The following SEPTIN4 variants were observed in gnomAD, a reference collection of about 807,000 sequenced individuals.
SEPTIN4 encodes septin-4.
In SEPTIN4, 52 loss-of-function variants were observed where a neutral mutation model predicts 107.1. That is an observed-to-expected ratio of 0.49 (90% confidence interval 0.39 to 0.61). The LOEUF (loss-of-function observed/expected upper bound fraction) is 0.61, where lower values mean the gene tolerates loss of function less well. Ranked by LOEUF, SEPTIN4 falls within the 20% of genes least tolerant of loss-of-function variation. The pLI, the probability that SEPTIN4 is intolerant of heterozygous loss-of-function variation, is 0.00. For synonymous variants in SEPTIN4, 417 were observed against 467.0 expected, an observed-to-expected ratio of 0.89 and a Z score of 1.38; for missense variants, 1,048 against 1,243.5, an observed-to-expected ratio of 0.84 and a Z score of 2.36.
At position 58,544,183 on chromosome 17, in the gene SEPTIN4, C is replaced by T; in HGVS notation, c.4G>A (p.Val2Ile). 6.2e-7 allele frequency: 1 copy of T among 1,608,986 alleles called. No individual in the cohort carries two copies. The highest frequency in any genetic ancestry group is 1.1e-5 in the South Asian group (1 of 90,454). ...TTGGCCCCAGGTTTATTTGTCTTGA[C>T]CATCTGATAGATTGTGCCCTTCTGA... is the stretch of plus-strand genomic sequence containing the variant. The part of the protein sequence containing the change: M[V>I]KTNKPGAKVA... The change falls in exon 1 of 14, where the codon GTC becomes ATC. Residue 2 changes from valine (V) to isoleucine (I), a missense_variant. This residue lies in a region of SEPTIN4 where 787 missense variants were observed against 871.8 expected (regional missense o/e 0.90). Coordinates refer to ENST00000672673, the MANE Select transcript of SEPTIN4 (RefSeq NM_001368771.2).
chr17:58,543,396 T>C lies in SEPTIN4; in HGVS notation c.791A>G (p.Tyr264Cys), dbSNP rs1169310031. Residue 264 changes from tyrosine (Y) to cysteine (C), a missense_variant, in exon 1 of 14, where the codon TAT becomes TGT. Coordinates refer to ENST00000672673, the MANE Select transcript of SEPTIN4 (RefSeq NM_001368771.2). ...CAATGAGTCCAAGTTCATATTCCTATACAAGGCCTTGGGTTTTGAAGGAAT... is the reference window on the plus strand; with the variant it reads ...CAATGAGTCCAAGTTCATATTCCTACACAAGGCCTTGGGTTTTGAAGGAAT... ...GPIPSKPKALYRNMNLDSLLK... is the reference protein window; with the variant it reads ...GPIPSKPKALCRNMNLDSLLK... The C allele has an allele frequency of 2.5e-6, 4 of 1,614,054 alleles. No homozygotes were observed. The highest frequency in any genetic ancestry group is 1.7e-5 in the Admixed American group (1 of 60,006).
At chr17:58,529,319 C>A in intron 3 of SEPTIN4, 1 of 1,522,856 alleles carries the variant, frequency 6.6e-7, no homozygotes, top group Non-Finnish European at 8.8e-7. Context: ...TCTTTGACCC[C>A]CTTCTGTCTC....
chr17:58,525,415 C>A, intron 6 of SEPTIN4: 1 of 640,416 alleles, frequency 1.6e-6, no homozygotes, highest in East Asian at 2.8e-5. Context: ...CTGGCCCCAG[C>A]CTCTTCTCTG....
At chr17:58,522,240 T>G in intron 7 of SEPTIN4, 139 bp from the exon 8 acceptor site, 1 of 1,150,274 alleles carries the variant, frequency 8.7e-7, no homozygotes, top group Non-Finnish European at 1.2e-6. Context: ...ACTAAATCTT[T>G]AGAGAAATTC....
At chr17:58,525,828 T>C in intron 5 of SEPTIN4, 47 bp from the exon 6 acceptor site, 5 of 1,535,794 alleles carry the variant, frequency 3.3e-6, no homozygotes, top group Non-Finnish European at 4.5e-6. Flanking sequence ...GTAAGATCTA[T>C]AGCCAAAAAG....
At position 58,544,317 on chromosome 17, in the gene SEPTIN4, T is replaced by C. The variant is rs1598326367; in HGVS notation, c.-131A>G. On this transcript the variant is annotated 5_prime_UTR_variant, in exon 1 of 14. Transcript: ENST00000672673. ...CTTGGGCTCCCACAAAAGTGGCTGT[T>C]GTTCTAAGAGTGTCTCAAATAATCC... 10 of 1,292,758 alleles carry C rather than the reference T, an allele frequency of 7.7e-6. No individual in the cohort carries two copies. In the East Asian group the frequency reaches 2.3e-4, roughly 30 times the overall value. The allele number at this position is 1,292,758 out of a possible 1,614,324, so 80.1% of individuals were successfully genotyped here. A position where few individuals can be genotyped will look rare whatever the true frequency, so the allele number is the denominator to read the frequency against.
chr17:58,521,613 T>A lies in SEPTIN4; in HGVS notation c.2503A>T (p.Ile835Phe), dbSNP rs765649538. The change falls in exon 10 of 14, where the codon ATC (isoleucine) becomes TTC (phenylalanine). Residue 835 changes from isoleucine to phenylalanine, a missense_variant. Physicochemically the swap from Ile to Phe is conservative, Grantham distance 21. Around this residue, in one of 2 missense-constraint regions of SEPTIN4, gnomAD observed 261 missense variants for 371.7 expected, o/e 0.70. Transcript: ENST00000672673. This position sits in a 1 kb window ranked among gnomAD's most constrained non-coding sequence, Gnocchi z 6.4. ...GAGTCACAGTCTGGGAATTGATAGA[T>A]CTTGATTCCAAAATGCTCAATCTCC... ...REEIEHFGIK[I>F]YQFPDCDSDE... is the part of the protein sequence containing the mutation. The A allele has an allele frequency of 7.4e-6, 12 of 1,614,208 alleles. No homozygotes were observed. The highest frequency in any genetic ancestry group is 1.0e-5 in the Non-Finnish European group (12 of 1,180,030).
At chr17:58,542,153 T>G (rs1010438602) in intron 1 of SEPTIN4, among the ~76,000 whole-genome samples, 187 bp from the exon 2 acceptor site, 3 of 152,132 alleles carry the variant, frequency 2.0e-5, no homozygotes, top group African/African-American at 4.8e-5. Context: ...CCTTTCTCTT[T>G]TTTACACCCT....
intron 3 of SEPTIN4, among the ~76,000 whole-genome samples, chr17:58,537,639 G>C (rs1424295559): frequency 6.6e-6 from 1 of 152,130 alleles, no homozygotes; most frequent in Non-Finnish European, 1.5e-5. Context: ...AGACCAGCCT[G>C]ACCAACTTGG....
At chr17:58,539,842 G>A (rs1401453463) in intron 3 of SEPTIN4, among the ~76,000 whole-genome samples, 1 of 152,186 alleles carries the variant, frequency 6.6e-6, no homozygotes, top group Non-Finnish European at 1.5e-5. Flanking sequence ...CCCACCTATA[G>A]CTGAGCTCAG....
intron 3 of SEPTIN4, among the ~76,000 whole-genome samples, chr17:58,528,726 T>C (rs2043184429): frequency 6.6e-6 from 1 of 152,158 alleles, no homozygotes; most frequent in African/African-American, 2.4e-5. Flanking sequence ...AAATCCACAA[T>C]GACCCAGCCG....
rs930504347 is a variant in SEPTIN4 at position 58,543,774 on chromosome 17, T to G, written c.413A>C (p.Lys138Thr). 5 of 1,614,114 alleles carry G rather than the reference T, an allele frequency of 3.1e-6. No individual in the cohort carries two copies. In the African/African-American group the frequency reaches 6.7e-5, roughly 22 times the overall value. The change falls in exon 1 of 14, where the codon AAG (lysine) becomes ACG (threonine). Residue 138 changes from lysine to threonine, a missense_variant. Lys to Thr is a moderately conservative substitution (Grantham distance 78). Coordinates refer to ENST00000672673, the MANE Select transcript of SEPTIN4 (RefSeq NM_001368771.2). ...ATGATGGCCGACCTCGCGCCCTGAC[T>G]TGCTCTCACTGCCTCTTCGTGCTGC... Reference protein sequence around the residue: ...EEAARRGSESKSGREVGHHAS... With the variant: ...EEAARRGSESTSGREVGHHAS...
Position 58,540,886 on chromosome 17 carries a change from A to G in SEPTIN4, c.1607-213T>C, listed in dbSNP as rs368704293. On this transcript the variant is annotated intron_variant, in intron 2 of 13. Transcript: ENST00000672673. ...TGCCAAGCACCGTGCTAAGTGTTTTATTGGTAATAACTTGTAATAATCCTC... is the reference window on the plus strand; with the variant it reads ...TGCCAAGCACCGTGCTAAGTGTTTTGTTGGTAATAACTTGTAATAATCCTC... 4.5e-4 allele frequency: 180 copies of G among 401,718 alleles called. 1 individual carries two copies. Among genetic ancestry groups the G allele is most frequent in the Non-Finnish European group, 7.2e-4 (165 of 228,840 alleles). The allele number at this position is 401,718 out of a possible 1,614,324, so 24.9% of individuals were successfully genotyped here.
intron 3 of SEPTIN4, chr17:58,528,370 A>G (rs967161428): frequency 6.6e-6 from 1 of 152,272 alleles, no homozygotes; most frequent in South Asian, 2.1e-4. Context: ...TTATAGCCAT[A>G]GTCTCCAGTG....
intron 3 of SEPTIN4, among the ~76,000 whole-genome samples, chr17:58,533,261 G>A (rs151234533): frequency 1.3e-5 from 2 of 152,290 alleles, no homozygotes; most frequent in East Asian, 1.9e-4. Context: ...TGGTGGACTG[G>A]AAGATGGCAG....
intron 3 of SEPTIN4, chr17:58,530,235 C>A: frequency 6.6e-6 from 1 of 152,364 alleles, no homozygotes; most frequent in Non-Finnish European, 1.5e-5. Flanking sequence ...CCTTGCCTCC[C>A]AGCGAGGCTG....
At position 58,526,274 on chromosome 17, in the gene SEPTIN4, G is replaced by A; in HGVS notation, c.1951C>T (p.Gln651Ter). The A allele has an allele frequency of 6.2e-7, 1 of 1,604,058 alleles. No individual in the cohort carries two copies. The highest frequency in any genetic ancestry group is 8.5e-7 in the Non-Finnish European group (1 of 1,175,094). The change falls in exon 5 of 14, where the codon CAA becomes TAA. Residue 651 changes from glutamine (Q) to a stop codon, truncating the protein, a stop_gained. Transcript: ENST00000672673. LOFTEE classifies it high-confidence loss of function. Reference protein sequence around the residue: ...EYVGFATLPNQVHRKSVKKGF... With the variant: ...EYVGFATLPN ...TTCTTCACGGACTTTCGGTGGACTT[G>A]GTTGGGGAGGGTTGCAAAGCCCACA...
intron 3 of SEPTIN4, among the ~76,000 whole-genome samples, chr17:58,535,998 A>G (rs930621056): frequency 6.6e-6 from 1 of 152,190 alleles, no homozygotes; most frequent in African/African-American, 2.4e-5. Context: ...CGTGGTTCAC[A>G]TACAAAGACA....
At chr17:58,540,490 T>A (rs763710315) in intron 3 of SEPTIN4, among the ~76,000 whole-genome samples, 176 bp downstream of exon 3, 10 of 152,158 alleles carry the variant, frequency 6.6e-5, no homozygotes, top group Non-Finnish European at 1.5e-4. Context: ...CAGGTTATAT[T>A]TCAGCCCCCC....
Sources: gnomAD v4.1 joint callset for allele counts (sites outside exome capture counted in the v4.1 genomes callset) on GRCh38, gnomAD v4.1.1 for gene constraint, gnomAD v4.1.1 regional missense constraint, Gnocchi (gnomAD v3.1) non-coding constraint, MANE v1.5 for transcripts, NCBI Gene and HGNC (gene_info 2026-07-23, HGNC 2026-07-21) for gene names.